Variants in AKR1A1 observed in about 807,000 individuals in gnomAD.
The protein encoded by AKR1A1 is aldo-keto reductase family 1 member A1.
A neutral mutation model predicts 39.2 loss-of-function variants in AKR1A1; 26 were observed. That is an observed-to-expected ratio of 0.66 (90% CI 0.49 to 0.92). The LOEUF is 0.92. Ranked by LOEUF, AKR1A1 falls within the 40% of genes least tolerant of loss-of-function variation. The pLI, the probability that AKR1A1 is intolerant of heterozygous loss-of-function variation, is 0.00. For synonymous variants in AKR1A1, 141 were observed against 155.5 expected, an observed-to-expected ratio of 0.91 and a Z score of 0.69; for missense variants, 378 against 406.5, an observed-to-expected ratio of 0.93 and a Z score of 0.60.
intron 2 of AKR1A1, among the ~76,000 whole-genome samples, chr1:45,564,859 G>C (rs933694142): frequency 4.6e-5 from 7 of 151,362 alleles, no homozygotes; most frequent in African/African-American, 1.7e-4. Flanking sequence ...GTCTTGCTCT[G>C]TCGCCCAGGC....
At position 45,568,107 on chromosome 1, in the gene AKR1A1, T is replaced by G; in HGVS notation, c.482T>G (p.Leu161Arg). 1 of 1,614,092 alleles carries G rather than the reference T, an allele frequency of 6.2e-7. No homozygotes were observed. The highest frequency in any genetic ancestry group is 8.5e-7 in the Non-Finnish European group (1 of 1,180,008). ...AAGGGGCTGGTGCAGGCGCTGGGCC[T>G]GTCCAACTTCAACAGTCGGCAGATT... ...VAKGLVQALG[L>R]SNFNSRQIDD... The change falls in exon 5 of 9, where the codon CTG (leucine) becomes CGG (arginine). Residue 161 changes from leucine (L) to arginine (R), a missense_variant. Coordinates refer to ENST00000351829, the MANE Select transcript of AKR1A1 (RefSeq NM_153326.3).
At chr1:45,568,346 G>A (rs955515436) in intron 5 of AKR1A1, 139 bp from the exon 6 acceptor site, 54 of 1,241,712 alleles carry the variant, frequency 4.3e-5, no homozygotes, top group African/African-American at 7.5e-5. Flanking sequence ...TGAAATTGCC[G>A]ATGGGAAATG....
chr1:45,565,291 C>G (rs756630004), intron 2 of AKR1A1, among the ~76,000 whole-genome samples: 63 of 151,614 alleles, frequency 4.2e-4, no homozygotes, highest in Admixed American at 1.7e-3. Flanking sequence ...CCACCACGCC[C>G]AGCTAATTTT....
Position 45,569,195 on chromosome 1 carries a change from A to G in AKR1A1, c.878A>G (p.Asn293Ser). 6.2e-7 allele frequency: 1 copy of G among 1,614,146 alleles called. No homozygotes were observed. The highest frequency in any genetic ancestry group is 2.2e-5 in the East Asian group (1 of 44,872). ...GAGATGAAGCAGCTAAATGCCCTGA[A>G]CAAAAATTGGAGATATATTGTGCCT... is the stretch of plus-strand genomic sequence containing the variant. ...PEEMKQLNAL[N>S]KNWRYIVPML... Residue 293 changes from asparagine to serine, a missense_variant, in exon 8 of 9, where the codon AAC becomes AGC. Transcript: ENST00000351829.
chr1:45,560,081 G>A (rs1294264744), intron 1 of AKR1A1, among the ~76,000 whole-genome samples: 1 of 151,596 alleles, frequency 6.6e-6, no homozygotes, highest in African/African-American at 2.4e-5. Flanking sequence ...TCCGCCTCCC[G>A]GGTTCAAACG....
At chr1:45,567,120 TCATTTGCATGC>T (rs1570914567) in intron 4 of AKR1A1, 100 bp downstream of exon 4, 2 of 1,469,472 alleles carry the variant, frequency 1.4e-6, no homozygotes, top group South Asian at 1.3e-5. Context: ...ATAGGAACAC[TCATTTGCATGC>T]CAAGCTGAGG....
intron 2 of AKR1A1, among the ~76,000 whole-genome samples, chr1:45,563,406 A>C (rs963042090): frequency 6.6e-6 from 1 of 152,062 alleles, no homozygotes; most frequent in African/African-American, 2.4e-5. Context: ...TCTAGGGGGA[A>C]AAATTAAGGA....
In AKR1A1 at chr1:45,568,604, T is replaced by G; in HGVS notation, c.672T>G (p.Asp224Glu). 1 of 1,614,032 alleles carries G rather than the reference T, an allele frequency of 6.2e-7. No homozygotes were observed. Among genetic ancestry groups the G allele is most frequent in the South Asian group, 1.1e-5 (1 of 91,072 alleles). ...CTGATCGTGCATGGCGTGATCCTGATGAGCCTGTCCTGCTGGAGGAACCAG... is the reference window on the plus strand; with the variant it reads ...CTGATCGTGCATGGCGTGATCCTGAGGAGCCTGTCCTGCTGGAGGAACCAG... Reference protein sequence around the residue: ...GSSDRAWRDPDEPVLLEEPVV... With the variant: ...GSSDRAWRDPEEPVLLEEPVV... Residue 224 changes from aspartate to glutamate, a missense_variant, in exon 6 of 9, where the codon GAT (aspartate) becomes GAG (glutamate). By Grantham distance (45) the Asp-to-Glu change is conservative. Coordinates refer to ENST00000351829, the MANE Select transcript of AKR1A1 (RefSeq NM_153326.3).
intron 1 of AKR1A1, among the ~76,000 whole-genome samples, chr1:45,556,230 C>G (rs926397363): frequency 2.2e-4 from 34 of 151,976 alleles, no homozygotes; most frequent in African/African-American, 8.2e-4. Flanking sequence ...AAACCTGATT[C>G]CTGATAATAC....
intron 7 of AKR1A1, 30 bp downstream of exon 7, chr1:45,569,029 G>A: frequency 6.2e-7 from 1 of 1,611,952 alleles, no homozygotes; most frequent in African/African-American, 1.3e-5. Context: ...ATCTTCTTTA[G>A]CTCTTTGGGA....
intron 2 of AKR1A1, among the ~76,000 whole-genome samples, chr1:45,565,054 C>T (rs1644322908): frequency 6.6e-6 from 1 of 150,550 alleles, no homozygotes; most frequent in Non-Finnish European, 1.5e-5. Context: ...GATCTCCTGA[C>T]CTCATGATCC....
chr1:45,567,037 C>T lies in AKR1A1; in HGVS notation c.356+17C>T. The stretch of plus-strand genomic sequence containing the variant: ...TGCCTTTGAGTGAGCCTTGCCAGAG[C>T]CTCATCTGGGGAATCAGGGGGTTGA... On this transcript the variant is annotated intron_variant, in intron 4 of 8. Transcript: ENST00000351829. 6.2e-7 allele frequency: 1 copy of T among 1,611,494 alleles called. No homozygotes were observed. Among genetic ancestry groups the T allele is most frequent in the South Asian group, 1.1e-5 (1 of 90,904 alleles).
chr1:45,565,675 A>G lies in AKR1A1; in HGVS notation c.85-894A>G, dbSNP rs189852129. On this transcript the variant is annotated intron_variant, in intron 2 of 8. Coordinates refer to ENST00000351829, the MANE Select transcript of AKR1A1 (RefSeq NM_153326.3). ...TTTTAGTAGAGAAAAGAATTTCACC[A>G]TGTTGGCCAGGCTGGTCTCAAACCC... is the stretch of plus-strand genomic sequence containing the variant. Among the ~76,000 whole-genome samples, 518 of 147,308 alleles carry G rather than the reference A, an allele frequency of 3.5e-3. 3 individuals carry two copies. Among genetic ancestry groups the G allele is most frequent in the African/African-American group, 0.012 (496 of 39,908 alleles).
rs1644122784 is a variant in AKR1A1, at chr1:45,551,006, G to C, written c.-156G>C. 6.6e-6 allele frequency: 1 copy of C among 152,502 alleles called. No individual in the cohort carries two copies. The highest frequency in any genetic ancestry group is 1.5e-5 in the Non-Finnish European group (1 of 68,240). 9.4% of individuals were successfully genotyped at this position (152,502 alleles called of 1,614,324 possible). ...GCGGCGAAGGCGGTCCACCCTGCGC[G>C]TGATCCTTTATGCCCGGCCCCTGCC... On this transcript the variant is annotated 5_prime_UTR_variant, in exon 1 of 9. Coordinates refer to ENST00000351829, the MANE Select transcript of AKR1A1 (RefSeq NM_153326.3).
chr1:45,560,520 A>G (rs1644263926), intron 1 of AKR1A1, among the ~76,000 whole-genome samples: 1 of 152,118 alleles, frequency 6.6e-6, no homozygotes. Context: ...TGAGGCAGGA[A>G]TATCACTTGA....
chr1:45,557,105 GCTTGAACC>G (rs1644215232), intron 1 of AKR1A1, among the ~76,000 whole-genome samples: 1 of 151,662 alleles, frequency 6.6e-6, no homozygotes, highest in Non-Finnish European at 1.5e-5. Flanking sequence ...CAGGAGAATC[GCTTGAACC>G]CAGGAGGTGG....
In AKR1A1 at chr1:45,570,017, AAG is replaced by A; in HGVS notation, c.*64_*65del. On this transcript the variant is annotated 3_prime_UTR_variant, in exon 9 of 9. Transcript: ENST00000351829. ...GCTAATGAGGTCCTGCCACAACGGAAAGAGGGAGTTAATAAAGCCATTGGAGC... is the reference window on the plus strand; with the variant it reads ...GCTAATGAGGTCCTGCCACAACGGAAAGGGAGTTAATAAAGCCATTGGAGC... 1.3e-6 allele frequency: 2 copies of A among 1,501,320 alleles called. No homozygotes were observed. Among genetic ancestry groups the A allele is most frequent in the Non-Finnish European group, 9.3e-7 (1 of 1,077,550 alleles). 93.0% of individuals were successfully genotyped at this position (1,501,320 alleles called of 1,614,324 possible).
chr1:45,563,289 A>T (rs1273919771), intron 2 of AKR1A1, among the ~76,000 whole-genome samples: 1 of 152,052 alleles, frequency 6.6e-6, no homozygotes, highest in Non-Finnish European at 1.5e-5. Context: ...AATCCCAGCT[A>T]CTTGGGAGGC....
At chr1:45,561,273 G>C (rs956125712) in intron 1 of AKR1A1, among the ~76,000 whole-genome samples, 10 of 152,158 alleles carry the variant, frequency 6.6e-5, no homozygotes, top group Non-Finnish European at 1.3e-4. Context: ...CAGCCAGGCT[G>C]GTGGTCTGGT....
Sources: gnomAD v4.1 joint callset for allele counts (sites outside exome capture counted in the v4.1 genomes callset) on GRCh38, gnomAD v4.1.1 for gene constraint, MANE v1.5 for transcripts, NCBI Gene and HGNC (gene_info 2026-07-23, HGNC 2026-07-21) for gene names.